Variants in ARHGAP26 observed in about 807,000 individuals in gnomAD.
The protein encoded by ARHGAP26 is rho GTPase-activating protein 26.
Under a neutral mutation model 104.8 loss-of-function variants are expected in ARHGAP26, and 38 were observed. The observed-to-expected ratio is 0.36, with a 90% CI of 0.28 to 0.48. The LOEUF is 0.48. Ranked by LOEUF, ARHGAP26 falls within the 20% of genes least tolerant of loss-of-function variation. ARHGAP26 has a pLI of 0.99. For missense variants in ARHGAP26, 704 were observed against 947.9 expected, an observed-to-expected ratio of 0.74 and a Z score of 3.38; for synonymous variants, 341 against 340.0, an observed-to-expected ratio of 1.00 and a Z score of -0.03.
intron 4 of ARHGAP26, among the ~76,000 whole-genome samples, chr5:142,883,591 G>A (rs188133926): frequency 3.0e-4 from 46 of 152,338 alleles, no homozygotes; most frequent in Admixed American, 2.1e-3. Context: ...CTGACATAGC[G>A]GAGCTTGTTA....
At chr5:142,950,741 G>T (rs1225011501) in intron 11 of ARHGAP26, among the ~76,000 whole-genome samples, 1 of 152,098 alleles carries the variant, frequency 6.6e-6, no homozygotes, top group East Asian at 1.9e-4. Flanking sequence ...ATTAGAGAGG[G>T]CCCCTCCCAA....
intron 10 of ARHGAP26, among the ~76,000 whole-genome samples, chr5:142,917,206 A>G (rs2152494642): frequency 6.6e-6 from 1 of 152,016 alleles, no homozygotes; most frequent in South Asian, 2.1e-4. Flanking sequence ...TGCCCAGCTA[A>G]TTTTGTATTT....
intron 20 of ARHGAP26, among the ~76,000 whole-genome samples, chr5:143,192,788 G>A (rs1020162988): frequency 1.3e-5 from 2 of 152,136 alleles, no homozygotes; most frequent in African/African-American, 4.8e-5. Flanking sequence ...TTGGATTTAA[G>A]AGCCCAAATT....
At chr5:143,054,321 CA>C in intron 14 of ARHGAP26, 117 bp from the exon 15 acceptor site, 1 of 591,608 alleles carries the variant, frequency 1.7e-6, no homozygotes. Flanking sequence ...AAATACTTGT[CA>C]TTTTTGTTTT....
intron 11 of ARHGAP26, among the ~76,000 whole-genome samples, chr5:142,984,299 T>A (rs1266016146): frequency 6.6e-6 from 1 of 152,210 alleles, no homozygotes; most frequent in African/African-American, 2.4e-5. Flanking sequence ...TGTTTTCAGC[T>A]GGGTAAAATC....
rs1408516108 is a variant in ARHGAP26 at position 142,932,841 on chromosome 5, G to T, written c.1107+716G>T. On this transcript the variant is annotated intron_variant, in intron 11 of 22. Transcript: ENST00000645722. ...CAGGCTGGATAATGCCAGCTGATTT[G>T]TGTGTGTCTTTCTCAGCTTACCCTG... Among the ~76,000 whole-genome samples, 5 of 152,296 alleles carry T rather than the reference G, an allele frequency of 3.3e-5. No individual in the cohort carries two copies. In the East Asian group the frequency reaches 5.8e-4, roughly 18 times the overall value.
chr5:143,072,636 G>C (rs1382814590), intron 17 of ARHGAP26, among the ~76,000 whole-genome samples: 2 of 152,146 alleles, frequency 1.3e-5, no homozygotes, highest in Non-Finnish European at 2.9e-5. Flanking sequence ...ATTATACTAA[G>C]TGAAGAAACA....
chr5:143,042,294 G>A (rs762939849), intron 14 of ARHGAP26, among the ~76,000 whole-genome samples: 5 of 152,290 alleles, frequency 3.3e-5, no homozygotes, highest in Non-Finnish European at 5.9e-5. Flanking sequence ...GGGCTCCAGA[G>A]GACCTCAGAG....
chr5:143,092,963 C>G, intron 17 of ARHGAP26, among the ~76,000 whole-genome samples: 1 of 152,208 alleles, frequency 6.6e-6, no homozygotes, highest in African/African-American at 2.4e-5. Context: ...AACCATCTAT[C>G]GTCCTGTCCT....
chr5:142,775,926 C>A (rs182771402), intron 1 of ARHGAP26, among the ~76,000 whole-genome samples: 1 of 152,012 alleles, frequency 6.6e-6, no homozygotes, highest in Non-Finnish European at 1.5e-5. Flanking sequence ...CTTTCCATTT[C>A]GTTTCCCTTC....
At chr5:142,843,638 T>C (rs1324131556) in intron 1 of ARHGAP26, among the ~76,000 whole-genome samples, 1 of 150,844 alleles carries the variant, frequency 6.6e-6, no homozygotes, top group South Asian at 2.1e-4. Context: ...TTATGGCGTG[T>C]TTTTTTTTGA....
chr5:143,206,722 CAG>C (rs1808617845), intron 20 of ARHGAP26, among the ~76,000 whole-genome samples: 1 of 152,182 alleles, frequency 6.6e-6, no homozygotes, highest in Admixed American at 6.5e-5. Context: ...AAAATGCAAA[CAG>C]GAGATTATTT....
intron 1 of ARHGAP26, among the ~76,000 whole-genome samples, chr5:142,797,429 C>T (rs1761208299): frequency 6.6e-6 from 1 of 152,128 alleles, no homozygotes; most frequent in South Asian, 2.1e-4. Context: ...AGAAGCTGTC[C>T]CTCAAAGGTG....
At chr5:143,029,405 T>G (rs1180889874) in intron 12 of ARHGAP26, among the ~76,000 whole-genome samples, 2 of 134,138 alleles carry the variant, frequency 1.5e-5, no homozygotes, top group Non-Finnish European at 3.2e-5. Flanking sequence ...TTTTTTTTTT[T>G]TTTTTTTTTT....
chr5:142,918,663 G>T (rs919191866), intron 10 of ARHGAP26, among the ~76,000 whole-genome samples: 2 of 151,746 alleles, frequency 1.3e-5, no homozygotes, highest in Non-Finnish European at 2.9e-5. Context: ...TTTTTGGGGT[G>T]GGGGGGATGT....
intron 11 of ARHGAP26, among the ~76,000 whole-genome samples, chr5:142,961,471 G>A (rs2152662329): frequency 6.6e-6 from 1 of 152,214 alleles, no homozygotes; most frequent in Admixed American, 6.5e-5. Flanking sequence ...TAGCCTGAGT[G>A]ACAAAACAAG....
intron 19 of ARHGAP26, 75 bp from the exon 20 acceptor site, chr5:143,147,156 C>T: frequency 6.8e-7 from 1 of 1,478,990 alleles, no homozygotes; most frequent in Non-Finnish European, 9.2e-7. Flanking sequence ...ATTCTTTATA[C>T]ATTTTTGTGC....
chr5:143,183,830 T>C (rs1197525992), intron 20 of ARHGAP26, among the ~76,000 whole-genome samples: 1 of 152,204 alleles, frequency 6.6e-6, no homozygotes, highest in African/African-American at 2.4e-5. Context: ...GTCGTGCTCC[T>C]AAGCAGGCAG....
At chr5:143,000,697 A>G (rs891282804) in intron 11 of ARHGAP26, among the ~76,000 whole-genome samples, 1 of 152,232 alleles carries the variant, frequency 6.6e-6, no homozygotes, top group African/African-American at 2.4e-5. Context: ...CTATGCAGCC[A>G]TAAAAAAGAA....
Sources: allele counts gnomAD v4.1 joint callset (sites outside exome capture counted in the v4.1 genomes callset), GRCh38; gene constraint gnomAD v4.1.1; transcripts MANE v1.5; gene names NCBI Gene and HGNC (gene_info 2026-07-23, HGNC 2026-07-21).